STK39: variants seen among roughly 807,000 people sequenced by gnomAD.
STK39 encodes the protein serine/threonine kinase 39, also known as STE20/SPS1-related proline-alanine-rich protein kinase.
STK39 carries 20 observed loss-of-function variants against 77.8 expected under a neutral mutation model. The observed-to-expected ratio is 0.26, with a 90% confidence interval of 0.18 to 0.37. The LOEUF is 0.37. Ranked by LOEUF, STK39 falls within the 10% of genes least tolerant of loss-of-function variation. The pLI is 1.00. For missense variants in STK39, 479 were observed against 656.5 expected, an observed-to-expected ratio of 0.73 and a Z score of 2.95; for synonymous variants, 246 against 234.1, an observed-to-expected ratio of 1.05 and a Z score of -0.47.
intron 1 of STK39, among the ~76,000 whole-genome samples, chr2:168,206,441 C>T (rs527456187): frequency 2.6e-5 from 4 of 152,174 alleles, no homozygotes; most frequent in South Asian, 2.1e-4. Context: ...ATTGGGATTA[C>T]AAGCGTCCGC....
intron 5 of STK39, among the ~76,000 whole-genome samples, chr2:168,160,664 G>T (rs1261361439): frequency 6.6e-6 from 1 of 152,160 alleles, no homozygotes; most frequent in African/African-American, 2.4e-5. Context: ...AGGTGGTACA[G>T]CTACTAAGTG....
intron 1 of STK39, among the ~76,000 whole-genome samples, chr2:168,206,752 C>G (rs1322949556): frequency 1.3e-5 from 2 of 152,156 alleles, no homozygotes; most frequent in African/African-American, 4.8e-5. Context: ...CCACTCACTT[C>G]TGGCAGAGAA....
chr2:167,992,570 A>G (rs1021423496), intron 16 of STK39, among the ~76,000 whole-genome samples: 3 of 152,202 alleles, frequency 2.0e-5, no homozygotes, highest in African/African-American at 7.2e-5. Flanking sequence ...GCAAAGAGGC[A>G]CTCAATTATG....
chr2:168,235,039 ATT>A (rs556244576), intron 1 of STK39, among the ~76,000 whole-genome samples: 61 of 141,006 alleles, frequency 4.3e-4, no homozygotes, highest in South Asian at 4.5e-4. Flanking sequence ...TGAGTCAATA[ATT>A]TTTTTTTTTT....
intron 5 of STK39, among the ~76,000 whole-genome samples, chr2:168,149,205 C>T (rs1197220380): frequency 1.3e-5 from 2 of 152,184 alleles, no homozygotes; most frequent in Non-Finnish European, 1.5e-5. Flanking sequence ...TAATACAGTA[C>T]AGGCCCTTGC....
chr2:168,193,686 G>A (rs913692822), intron 1 of STK39, among the ~76,000 whole-genome samples: 1 of 152,262 alleles, frequency 6.6e-6, no homozygotes. Context: ...GGGGCTGGGG[G>A]CTAAGGTGTT....
At position 168,108,365 on chromosome 2, in the gene STK39, T is replaced by C. The variant is rs1001045769; in HGVS notation, c.1089+21176A>G. Reference sequence around the variant, plus strand: ...GAGTTCAAGATCAGCCTGGGCAACATGGCGAAACCCTGTTTCTACAAAAAA... The same window carrying C: ...GAGTTCAAGATCAGCCTGGGCAACACGGCGAAACCCTGTTTCTACAAAAAA... On this transcript the variant is annotated intron_variant, in intron 10 of 17. Transcript: ENST00000355999. Among the ~76,000 whole-genome samples the C allele has an allele frequency of 8.5e-5, 13 of 152,098 alleles. No individual in the cohort carries two copies. In the South Asian group the frequency reaches 1.0e-3, roughly 12 times the overall value.
chr2:167,998,290 C>T (rs1452853912), intron 16 of STK39, among the ~76,000 whole-genome samples: 1 of 152,214 alleles, frequency 6.6e-6, no homozygotes, highest in Non-Finnish European at 1.5e-5. Context: ...CATGAAACCA[C>T]TTAAATGCTC....
At chr2:168,016,411 AAAC>A (rs1684409944) in intron 15 of STK39, among the ~76,000 whole-genome samples, 2 of 148,560 alleles carry the variant, frequency 1.3e-5, no homozygotes, top group African/African-American at 5.2e-5. Flanking sequence ...AAAAAAAAAA[AAAC>A]AACACTACTG....
At chr2:167,962,738 CAAAATGACAGAA>C (rs1323241225) in intron 17 of STK39, among the ~76,000 whole-genome samples, 1 of 152,180 alleles carries the variant, frequency 6.6e-6, no homozygotes, top group Non-Finnish European at 1.5e-5. Flanking sequence ...GAGGAATCTA[CAAAATGACAGAA>C]AACTGTACAG....
At chr2:168,232,310 C>A (rs1040137156) in intron 1 of STK39, 1 of 154,276 alleles carries the variant, frequency 6.5e-6, no homozygotes. Flanking sequence ...ACTTTCTGTA[C>A]ATAAAAATTC....
intron 1 of STK39, among the ~76,000 whole-genome samples, chr2:168,191,917 G>C (rs1204718510): frequency 6.6e-6 from 1 of 152,170 alleles, no homozygotes; most frequent in African/African-American, 2.4e-5. Context: ...ATCAAAGGGA[G>C]GAGGTGGTGG....
At chr2:168,154,412 T>C (rs1459223380) in intron 5 of STK39, among the ~76,000 whole-genome samples, 2 of 152,216 alleles carry the variant, frequency 1.3e-5, no homozygotes, top group African/African-American at 4.8e-5. Context: ...CTGGCTACTG[T>C]GTCCTCAAGT....
At chr2:167,971,300 A>G (rs1477171299) in intron 16 of STK39, among the ~76,000 whole-genome samples, 1 of 152,198 alleles carries the variant, frequency 6.6e-6, no homozygotes, top group African/African-American at 2.4e-5. Flanking sequence ...TTAATCTGGT[A>G]ACTAACTGGC....
In STK39 at chr2:168,001,471, G is replaced by T. The variant is rs146727885; in HGVS notation, c.1498+11163C>A. ...TGGATGCTAAACTTAAGTAGTGCAAGATTAAGAACTAGGCTTTCTTAGGAT... is the reference window on the plus strand; with the variant it reads ...TGGATGCTAAACTTAAGTAGTGCAATATTAAGAACTAGGCTTTCTTAGGAT... On this transcript the variant is annotated intron_variant, in intron 16 of 17. Coordinates refer to ENST00000355999, the MANE Select transcript of STK39 (RefSeq NM_013233.3). Among the ~76,000 whole-genome samples, 336 of 151,752 alleles carry T rather than the reference G, an allele frequency of 2.2e-3. 4 individuals are homozygous for T. The highest frequency in any genetic ancestry group is 7.8e-3 in the African/African-American group (323 of 41,366).
intron 8 of STK39, among the ~76,000 whole-genome samples, chr2:168,136,345 G>T (rs950222061): frequency 2.1e-5 from 3 of 146,002 alleles, no homozygotes; most frequent in African/African-American, 7.7e-5. Context: ...CTCTAGCCCA[G>T]TGACAGAGCA....
intron 1 of STK39, 141 bp from the exon 2 acceptor site, chr2:168,182,231 A>C (rs996278305): frequency 1.6e-6 from 1 of 615,550 alleles, no homozygotes; most frequent in Non-Finnish European, 2.8e-6. Context: ...TCTTTTTTTT[A>C]AAGAGTTTCT....
intron 16 of STK39, among the ~76,000 whole-genome samples, chr2:167,994,509 ATGT>A (rs1683782184): frequency 6.6e-6 from 1 of 152,198 alleles, no homozygotes; most frequent in South Asian, 2.1e-4. Context: ...CATATTCAAA[ATGT>A]TGTGCAACCA....
intron 16 of STK39, among the ~76,000 whole-genome samples, chr2:167,999,052 A>C (rs1465464531): frequency 6.6e-6 from 1 of 152,182 alleles, no homozygotes; most frequent in East Asian, 1.9e-4. Context: ...ATTATGGCTA[A>C]TGGCTCTTTA....
Sources: gnomAD v4.1 joint callset for allele counts (sites outside exome capture counted in the v4.1 genomes callset) on GRCh38, gnomAD v4.1.1 for gene constraint, MANE v1.5 for transcripts, NCBI Gene and HGNC (gene_info 2026-07-23, HGNC 2026-07-21) for gene names.